Variants in TPTE observed in about 807,000 individuals in gnomAD.
TPTE encodes the protein transmembrane phosphatase with tensin homology, also known as putative tyrosine-protein phosphatase TPTE.
A neutral mutation model predicts 84.1 loss-of-function variants in TPTE; 59 were observed. The observed-to-expected ratio is 0.70, with a 90% CI of 0.57 to 0.87. The LOEUF (loss-of-function observed/expected upper bound fraction) is 0.87, where lower values mean the gene tolerates loss of function less well. TPTE is among the 40% of genes least tolerant of loss of function. The pLI is 0.00. For missense variants in TPTE, 382 were observed against 659.6 expected, an observed-to-expected ratio of 0.58 and a Z score of 4.61; for synonymous variants, 130 against 223.5, an observed-to-expected ratio of 0.58 and a Z score of 3.73.
At chr21:10,539,866 G>T (rs553432815) in intron 4 of TPTE, among the ~76,000 whole-genome samples, 1 of 152,308 alleles carries the variant, frequency 6.6e-6, no homozygotes, top group Non-Finnish European at 1.5e-5. Flanking sequence ...AAAATTAACC[G>T]GGTGTGGTGG....
chr21:10,591,112 C>G (rs1237104496), intron 18 of TPTE, among the ~76,000 whole-genome samples: 19 of 152,272 alleles, frequency 1.2e-4, no homozygotes, highest in Non-Finnish European at 2.1e-4. Flanking sequence ...TTTCACAACT[C>G]AAAACAAAGC....
At chr21:10,568,503 C>A (rs1447645022) in intron 11 of TPTE, among the ~76,000 whole-genome samples, 1 of 152,428 alleles carries the variant, frequency 6.6e-6, no homozygotes, top group African/African-American at 2.4e-5. Flanking sequence ...AATGAAAGAG[C>A]AAATGTATAC....
chr21:10,532,242 T>G (rs1403685978), intron 3 of TPTE, among the ~76,000 whole-genome samples: 1 of 152,308 alleles, frequency 6.6e-6, no homozygotes, highest in Admixed American at 6.5e-5. Context: ...TGCACTAATG[T>G]TAGTGTTTTA....
intron 18 of TPTE, 110 bp downstream of exon 18, chr21:10,590,633 A>G (rs2075455784): frequency 1.3e-6 from 2 of 1,546,722 alleles, no homozygotes; most frequent in South Asian, 2.4e-5. Flanking sequence ...GCTTAGTAAA[A>G]TTGTAATTAG....
intron 8 of TPTE, among the ~76,000 whole-genome samples, chr21:10,558,183 CT>C (rs1199945792): frequency 2.0e-5 from 3 of 152,308 alleles, no homozygotes; most frequent in Non-Finnish European, 4.4e-5. Flanking sequence ...GATTCCATGT[CT>C]TTGCTATTGT....
chr21:10,567,572 A>G (rs2074949611), intron 10 of TPTE, 98 bp from the exon 11 acceptor site: 1 of 1,553,294 alleles, frequency 6.4e-7, no homozygotes, highest in Middle Eastern at 1.7e-4. Flanking sequence ...TGATAGTAGA[A>G]TTCTTAATGG....
intron 8 of TPTE, among the ~76,000 whole-genome samples, chr21:10,553,029 A>G (rs1266435907): frequency 6.6e-6 from 1 of 152,306 alleles, no homozygotes; most frequent in African/African-American, 2.4e-5. Flanking sequence ...TAACTCATCA[A>G]TAGTGAACGT....
chr21:10,572,905 A>AG (rs1319863556), intron 14 of TPTE, among the ~76,000 whole-genome samples: 4,130 of 147,800 alleles, frequency 0.028, no homozygotes, highest in African/African-American at 0.11. Context: ...AGATTAAAAA[A>AG]AAAAGGTGAA....
intron 4 of TPTE, 96 bp downstream of exon 4, chr21:10,538,830 CCATCCATG>C (rs1379024835): frequency 1.2e-6 from 2 of 1,612,002 alleles, no homozygotes; most frequent in Non-Finnish European, 1.7e-6. Flanking sequence ...ATCCATCCAT[CCATCCATG>C]CATCCATCCG....
chr21:10,593,908 A>G (rs2075532500), intron 19 of TPTE, among the ~76,000 whole-genome samples: 1 of 152,308 alleles, frequency 6.6e-6, no homozygotes. Flanking sequence ...TTGGGCCAGA[A>G]GAACTCAGCT....
intron 3 of TPTE, among the ~76,000 whole-genome samples, chr21:10,531,040 A>G (rs28538303): frequency 6.6e-6 from 1 of 152,308 alleles, no homozygotes; most frequent in Non-Finnish European, 1.5e-5. Context: ...GCTGTTTTTG[A>G]ATATTTTATA....
chr21:10,547,141 T>A (rs952033028), intron 7 of TPTE, among the ~76,000 whole-genome samples: 2 of 152,302 alleles, frequency 1.3e-5, no homozygotes, highest in Non-Finnish European at 2.9e-5. Context: ...CATTGACTAT[T>A]CTGAAAATCC....
intron 19 of TPTE, among the ~76,000 whole-genome samples, chr21:10,595,616 C>A (rs1424434401): frequency 6.6e-6 from 1 of 152,310 alleles, no homozygotes; most frequent in African/African-American, 2.4e-5. Flanking sequence ...GCCCAGGAAG[C>A]TGCTCATCAC....
intron 17 of TPTE, among the ~76,000 whole-genome samples, chr21:10,586,232 C>T (rs375279211): frequency 5.9e-3 from 884 of 150,930 alleles, no homozygotes; most frequent in Non-Finnish European, 8.5e-3. Context: ...GCTTTAGTTT[C>T]GTCCCATAAA....
intron 17 of TPTE, among the ~76,000 whole-genome samples, chr21:10,583,808 C>T (rs1345554380): frequency 5.2e-4 from 79 of 152,044 alleles, no homozygotes; most frequent in African/African-American, 1.8e-3. Context: ...AGAAGATTTT[C>T]ATTTCTTTAC....
chr21:10,558,139 T>C (rs1019480716), intron 8 of TPTE, among the ~76,000 whole-genome samples: 3 of 152,312 alleles, frequency 2.0e-5, no homozygotes, highest in African/African-American at 7.2e-5. Context: ...CCACATTTTC[T>C]TTATCCAATC....
chr21:10,559,172 T>C (rs969104059), intron 8 of TPTE, among the ~76,000 whole-genome samples: 6 of 152,312 alleles, frequency 3.9e-5, no homozygotes, highest in African/African-American at 1.4e-4. Flanking sequence ...CACCCTTTTC[T>C]GTCTTCATGC....
rs754840934 is a variant in TPTE, at chr21:10,605,434, A to C, written c.1538A>C (p.Asn513Thr). The C allele has an allele frequency of 7.4e-6, 12 of 1,613,944 alleles. No individual in the cohort carries two copies. The highest frequency in any genetic ancestry group is 1.6e-4 in the Middle Eastern group (1 of 6,084). Residue 513 changes from asparagine (N) to threonine (T), a missense_variant, in exon 24 of 24, where the codon AAT (asparagine) becomes ACT (threonine). This residue lies in a region of TPTE where 120 missense variants were observed against 79.1 expected (regional missense o/e 1.52). Coordinates refer to ENST00000618007, the MANE Select transcript of TPTE (RefSeq NM_199261.4). The part of the protein sequence containing the change: ...IENNRLYLPK[N>T]ELDNLHKQKA... ...ATTCTTAGGCTTTATCTACCAAAAA[A>C]TGAATTGGATAATCTACATAAACAA...
chr21:10,589,344 A>T (rs212147), intron 17 of TPTE, among the ~76,000 whole-genome samples: 1 of 151,918 alleles, frequency 6.6e-6, no homozygotes, highest in Non-Finnish European at 1.5e-5. Flanking sequence ...AGATGGCGCC[A>T]TGGGTAAGAG....
Sources: allele counts gnomAD v4.1 joint callset (sites outside exome capture counted in the v4.1 genomes callset), GRCh38; gene constraint gnomAD v4.1.1; regional missense constraint gnomAD v4.1.1; transcripts MANE v1.5; gene names NCBI Gene and HGNC (gene_info 2026-07-23, HGNC 2026-07-21).